Variants in FADS3 observed in about 807,000 individuals in gnomAD.
The protein encoded by FADS3 is cytochrome b5-related protein.
FADS3 carries 30 observed loss-of-function variants against 60.4 expected under a neutral mutation model. That is an observed-to-expected ratio of 0.50 (90% CI 0.37 to 0.67). The LOEUF is 0.67. Ranked by LOEUF, FADS3 falls within the 30% of genes least tolerant of loss-of-function variation. The pLI, the probability that FADS3 is intolerant of heterozygous loss-of-function variation, is 0.00. For synonymous variants in FADS3, 234 were observed against 249.3 expected (o/e 0.94, Z 0.58); for missense variants, 432 against 598.3 (o/e 0.72, Z 2.90).
chr11:61,891,114 C>A (rs1938492261), intron 1 of FADS3, 55 bp downstream of exon 1: 1 of 1,449,134 alleles, frequency 6.9e-7, no homozygotes, highest in Non-Finnish European at 9.4e-7. Flanking sequence ...ATCACGCCCA[C>A]GACCGAGCTC....
At chr11:61,875,753 C>T (rs539815632) in intron 11 of FADS3, 98 bp downstream of exon 11, 1 of 1,464,612 alleles carries the variant, frequency 6.8e-7, no homozygotes, top group East Asian at 2.3e-5. Flanking sequence ...CAGAAAGGCT[C>T]AGGGACCCTG....
chr11:61,878,226 A>G lies in FADS3; in HGVS notation c.748-11T>C, dbSNP rs1395683568. 1.9e-6 allele frequency: 3 copies of G among 1,613,836 alleles called. No individual in the cohort carries two copies. Among genetic ancestry groups the G allele is most frequent in the Non-Finnish European group, 2.5e-6 (3 of 1,179,922 alleles). ...TTTCTTCTTGCCATACTGTGGAGACAGGCGGCGGCTGGAGACAGCAGCTCT... is the reference window on the plus strand; with the variant it reads ...TTTCTTCTTGCCATACTGTGGAGACGGGCGGCGGCTGGAGACAGCAGCTCT... On this transcript the variant is annotated splice_polypyrimidine_tract_variant and intron_variant, in intron 5 of 11. Coordinates refer to ENST00000278829, the MANE Select transcript of FADS3 (RefSeq NM_021727.5).
chr11:61,891,047 A>G, intron 1 of FADS3, 122 bp downstream of exon 1: 1 of 852,796 alleles, frequency 1.2e-6, no homozygotes. Flanking sequence ...CCCGGCGTGG[A>G]GGTCAAAGGT....
intron 1 of FADS3, among the ~76,000 whole-genome samples, chr11:61,888,292 AG>A (rs1366314498): frequency 6.6e-6 from 1 of 152,228 alleles, no homozygotes; most frequent in Non-Finnish European, 1.5e-5. Flanking sequence ...GGCTGGTGAG[AG>A]GTGACCGCTG....
At chr11:61,885,418 T>C (rs1045788513) in intron 1 of FADS3, among the ~76,000 whole-genome samples, 11 of 152,060 alleles carry the variant, frequency 7.2e-5, no homozygotes, top group African/African-American at 1.9e-4. Flanking sequence ...CTAAAGCACT[T>C]AGAAGGGGCC....
chr11:61,877,418 C>A lies in FADS3; in HGVS notation c.885+93G>T. ...CCACACTGTTGCACGCACATGTGCA[C>A]CCTGTTTGCCTTCATGGGCAGGTAC... On this transcript the variant is annotated intron_variant, in intron 7 of 11. Transcript: ENST00000278829. The surrounding 1 kb of genome is among the most constrained non-coding windows in gnomAD (Gnocchi z 4.7). 8.4e-7 allele frequency: 1 copy of A among 1,191,582 alleles called. No individual in the cohort carries two copies. The highest frequency in any genetic ancestry group is 1.2e-6 in the Non-Finnish European group (1 of 812,230). The allele number at this position is 1,191,582 out of a possible 1,614,324, so 73.8% of individuals were successfully genotyped here.
Position 61,880,111 on chromosome 11 carries a change from C to T in FADS3, c.254G>A (p.Arg85His), listed in dbSNP as rs1317789717. 2.5e-6 allele frequency: 4 copies of T among 1,614,062 alleles called. No homozygotes were observed. Among genetic ancestry groups the T allele is most frequent in the South Asian group, 1.1e-5 (1 of 91,080 alleles). ...RAFHQDLNFV[R>H]KFLQPLLIGE... ...AATCAACAGGGGCTGTAGGAACTTG[C>T]GCACAAAATTGAGATCTTGATGGAA... Residue 85 changes from arginine to histidine, a missense_variant, in exon 2 of 12, where the codon CGC becomes CAC. Transcript: ENST00000278829.
chr11:61,880,081 T>C lies in FADS3; in HGVS notation c.284A>G (p.Glu95Gly). The C allele has an allele frequency of 6.2e-7, 1 of 1,614,018 alleles. No homozygotes were observed. The highest frequency in any genetic ancestry group is 8.5e-7 in the Non-Finnish European group (1 of 1,179,946). ...RKFLQPLLIG[E>G]LAPEEPSQDG... ...CTGGCTGGGTTCTTCCGGAGCCAGCTCTCCAATCAACAGGGGCTGTAGGAA... is the reference window on the plus strand; with the variant it reads ...CTGGCTGGGTTCTTCCGGAGCCAGCCCTCCAATCAACAGGGGCTGTAGGAA... Residue 95 changes from glutamate to glycine, a missense_variant, in exon 2 of 12, where the codon GAG (glutamate) becomes GGG (glycine). By Grantham distance (98) the Glu-to-Gly change is moderately conservative (BLOSUM62 -2). Transcript: ENST00000278829.
At chr11:61,891,559 C>T (rs1449754522), upstream of FADS3, 3 of 304,686 alleles carry the variant, frequency 9.8e-6, no homozygotes, top group Admixed American at 1.1e-4. Context: ...GCGCAGGGAA[C>T]TCCCCGCCTT....
At chr11:61,875,291 C>T (rs174451) in intron 11 of FADS3, among the ~76,000 whole-genome samples, 28,480 of 152,006 alleles carry the variant, frequency 0.19, 2,969 homozygotes, top group Middle Eastern at 0.33. Flanking sequence ...CTGCAACCTC[C>T]GCCCCTGCGA....
chr11:61,879,477 G>A lies in FADS3; in HGVS notation c.357C>T (p.His119=). 6.2e-7 allele frequency: 1 copy of A among 1,600,604 alleles called. No homozygotes were observed. Among genetic ancestry groups the A allele is most frequent in the South Asian group, 1.1e-5 (1 of 88,500 alleles). ...AQLVEDFRAL[H]QAAEDMKLFD... is the part of the protein sequence containing the mutation. The stretch of plus-strand genomic sequence containing the variant: ...ACAGCTTCATGTCCTCGGCTGCCTG[G>A]TGCAGGGCTCGGAAGTCCTCGACCA... The change falls in exon 3 of 12, where the codon CAC becomes CAT. Residue 119 remains histidine (H), a synonymous_variant. Transcript: ENST00000278829.
chr11:61,883,280 C>T (rs1938198775), intron 1 of FADS3, among the ~76,000 whole-genome samples: 1 of 152,222 alleles, frequency 6.6e-6, no homozygotes, highest in Admixed American at 6.5e-5. Flanking sequence ...CCTCCGGAAA[C>T]CTCATCTGGG....
In FADS3 at chr11:61,876,687, C is replaced by T. The variant is rs1291085218; in HGVS notation, c.983+179G>A. 4.4e-6 allele frequency: 3 copies of T among 682,624 alleles called. No individual in the cohort carries two copies. The highest frequency in any genetic ancestry group is 5.4e-5 in the East Asian group (2 of 36,716). 42.3% of individuals were successfully genotyped at this position (682,624 alleles called of 1,614,324 possible). A position where few individuals can be genotyped will look rare whatever the true frequency, so the allele number is the denominator to read the frequency against. On this transcript the variant is annotated intron_variant, in intron 8 of 11. Coordinates refer to ENST00000278829, the MANE Select transcript of FADS3 (RefSeq NM_021727.5). This position sits in a 1 kb window ranked among gnomAD's most constrained non-coding sequence, Gnocchi z 5.7. The stretch of plus-strand genomic sequence containing the variant: ...CGGGCCACTTACAAGCCAGGCCACG[C>T]TCCCTAAACCCACCGACCCTGGGCT...
rs539196392 is a variant in FADS3 at position 61,882,891 on chromosome 11, G to T, written c.214-2740C>A. ...ATTAGAGGTGCAAGCCACCACACCA[G>T]GCTAATTTTTGTATATTTCGTAGAG... On this transcript the variant is annotated intron_variant, in intron 1 of 11. Coordinates refer to ENST00000278829, the MANE Select transcript of FADS3 (RefSeq NM_021727.5). 6.6e-5 allele frequency among the ~76,000 whole-genome samples: 10 copies of T among 152,112 alleles called. No homozygotes were observed. In the South Asian group the frequency reaches 1.9e-3, roughly 28 times the overall value.
Position 61,876,336 on chromosome 11 carries a change from T to C in FADS3, c.1080+23A>G, listed in dbSNP as rs1366165979. On this transcript the variant is annotated intron_variant, in intron 9 of 11. Coordinates refer to ENST00000278829, the MANE Select transcript of FADS3 (RefSeq NM_021727.5). This position sits in a 1 kb window ranked among gnomAD's most constrained non-coding sequence, Gnocchi z 5.7. The stretch of plus-strand genomic sequence containing the variant: ...CTGGGACCCCCCACCCCACCCAGGA[T>C]GGGCCCCACCCCTGCTGCCCACCTG... The C allele has an allele frequency of 1.2e-6, 2 of 1,603,056 alleles. No homozygotes were observed. Among genetic ancestry groups the C allele is most frequent in the African/African-American group, 1.3e-5 (1 of 74,514 alleles).
chr11:61,887,954 AG>A (rs1025672843), intron 1 of FADS3, among the ~76,000 whole-genome samples: 2 of 152,322 alleles, frequency 1.3e-5, no homozygotes, highest in Admixed American at 1.3e-4. Flanking sequence ...CGTGCCTCAT[AG>A]GGGCACCTTG....
At chr11:61,874,493 G>A (rs1211876099) in intron 11 of FADS3, among the ~76,000 whole-genome samples, 1 of 152,202 alleles carries the variant, frequency 6.6e-6, no homozygotes, top group Non-Finnish European at 1.5e-5. Context: ...CAAGGGCTGA[G>A]CCCCATCACC....
intron 1 of FADS3, chr11:61,880,857 C>A (rs1002821834): frequency 4.6e-5 from 7 of 152,098 alleles, no homozygotes; most frequent in African/African-American, 1.4e-4. Context: ...TCAAGCAATT[C>A]TCCGGTCTCA....
chr11:61,889,133 G>A (rs982928269), intron 1 of FADS3, among the ~76,000 whole-genome samples: 2 of 151,918 alleles, frequency 1.3e-5, no homozygotes, highest in African/African-American at 2.4e-5. Flanking sequence ...CCGACCTCAG[G>A]TGATCTGCCC....
Sources: gnomAD v4.1 joint callset for allele counts (sites outside exome capture counted in the v4.1 genomes callset) on GRCh38, gnomAD v4.1.1 for gene constraint, Gnocchi (gnomAD v3.1) non-coding constraint, MANE v1.5 for transcripts, NCBI Gene and HGNC (gene_info 2026-07-23, HGNC 2026-07-21) for gene names.